Variants in LRPAP1 observed in about 807,000 individuals in gnomAD.
The protein encoded by LRPAP1 is LDL receptor related protein associated protein 1.
Under a neutral mutation model 39.9 loss-of-function variants are expected in LRPAP1, and 41 were observed. The observed-to-expected ratio is 1.03, with a 90% CI of 0.80 to 1.33. The LOEUF (loss-of-function observed/expected upper bound fraction) is 1.33, where lower values mean the gene tolerates loss of function less well. Ranked by LOEUF, LRPAP1 falls within the 40% of genes most tolerant of loss-of-function variation. LRPAP1 has a pLI of 0.00. For synonymous variants in LRPAP1, 263 were observed against 212.7 expected, an observed-to-expected ratio of 1.24 and a Z score of -2.06; for missense variants, 565 against 482.3, an observed-to-expected ratio of 1.17 and a Z score of -1.61.
Position 3,516,140 on chromosome 4 carries a change from C to T in LRPAP1, c.810G>A (p.Thr270=), listed in dbSNP as rs572287773. 30 of 1,581,454 alleles carry T rather than the reference C, an allele frequency of 1.9e-5. No individual in the cohort carries two copies. Among genetic ancestry groups the T allele is most frequent in the Middle Eastern group, 3.3e-4 (2 of 6,028 alleles). ...CCCGGAACGCCTCCAGCTCCTTGTC[C>T]GTGAGGTTGGCGGACTGCGCCAGGT... ...LWDLAQSANL[T]DKELEAFREE... Residue 270 remains threonine (T), a synonymous_variant, in exon 6 of 8, where the codon ACG becomes ACA. Transcript: ENST00000650182.
In LRPAP1 at chr4:3,508,761, G is replaced by GC. The variant is rs1264292310; in HGVS notation, c.*4212dup. 4 of 152,190 alleles carry GC rather than the reference G, an allele frequency of 2.6e-5. No homozygotes were observed. The highest frequency in any genetic ancestry group is 4.8e-5 in the African/African-American group (2 of 41,438). The allele number at this position is 152,190 out of a possible 1,614,324, so 9.4% of individuals were successfully genotyped here. ...CACATTCAACACGGATTCAGGAAAA[G>GC]CCCTCAGCAAATGAGGAAGCTCTTC... On this transcript the variant is annotated 3_prime_UTR_variant, in exon 8 of 8. Transcript: ENST00000650182.
chr4:3,530,750 CAG>C (rs1199538125), intron 1 of LRPAP1, among the ~76,000 whole-genome samples: 1 of 152,166 alleles, frequency 6.6e-6, no homozygotes, highest in African/African-American at 2.4e-5. Context: ...CTGACAAAGA[CAG>C]AGGACCAGCT....
In LRPAP1 at chr4:3,512,951, C is replaced by A. The variant is rs958676130; in HGVS notation, c.*23G>T. 2 of 1,602,264 alleles carry A rather than the reference C, an allele frequency of 1.2e-6. No homozygotes were observed. The highest frequency in any genetic ancestry group is 1.7e-6 in the Non-Finnish European group (2 of 1,175,074). ...GTCCTTCACGCTGGCCTCTTCCCTG[C>A]CGGGCTGGGCTCCCCAATGCCTTCA... On this transcript the variant is annotated 3_prime_UTR_variant, in exon 8 of 8. Transcript: ENST00000650182.
Position 3,522,709 on chromosome 4 carries a change from C to A in LRPAP1, c.349+2198G>T, listed in dbSNP as rs574400023. ...TGGGGAGGACAGACGCCGCCCCACA[C>A]CCCCTGCCTGGGGAGGACGGACGCC... On this transcript the variant is annotated intron_variant, in intron 2 of 7. Transcript: ENST00000650182. Among the ~76,000 whole-genome samples, 5 of 145,800 alleles carry A rather than the reference C, an allele frequency of 3.4e-5. 1 individual carries two copies. Among genetic ancestry groups the A allele is most frequent in the African/African-American group, 1.0e-4 (4 of 38,608 alleles).
rs189674977 is a variant in LRPAP1, at chr4:3,509,945, A to C, written c.*3029T>G. On this transcript the variant is annotated 3_prime_UTR_variant, in exon 8 of 8. Coordinates refer to ENST00000650182, the MANE Select transcript of LRPAP1 (RefSeq NM_002337.4). ...AGACATTCAGAAAAGGTATTCAAAA[A>C]TGCGTTCAAGGGAATTGCTATTGAA... is the stretch of plus-strand genomic sequence containing the variant. The C allele has an allele frequency of 2.0e-5, 3 of 152,298 alleles. No individual in the cohort carries two copies. The highest frequency in any genetic ancestry group is 1.3e-4 in the Admixed American group (2 of 15,298). 9.4% of individuals were successfully genotyped at this position (152,298 alleles called of 1,614,324 possible).
At chr4:3,515,764 G>C in intron 6 of LRPAP1, 1 of 296,542 alleles carries the variant, frequency 3.4e-6, no homozygotes, top group Non-Finnish European at 6.4e-6. Flanking sequence ...AGGAAGTGGT[G>C]ACACCCCTAA....
intron 1 of LRPAP1, among the ~76,000 whole-genome samples, chr4:3,527,287 G>T (rs1730106348): frequency 6.6e-6 from 1 of 152,042 alleles, no homozygotes; most frequent in African/African-American, 2.4e-5. Flanking sequence ...GCCCCTCTGT[G>T]CCCTGGACAC....
Position 3,505,265 on chromosome 4 carries a change from G to T in LRPAP1, c.*7709C>A, listed in dbSNP as rs1451707598. Among the ~76,000 whole-genome samples the T allele has an allele frequency of 6.6e-6, 1 of 152,214 alleles. No homozygotes were observed. The highest frequency in any genetic ancestry group is 6.5e-5 in the Admixed American group (1 of 15,286). On this transcript the variant is annotated 3_prime_UTR_variant, in exon 8 of 8. Coordinates refer to ENST00000650182, the MANE Select transcript of LRPAP1 (RefSeq NM_002337.4). The stretch of plus-strand genomic sequence containing the variant: ...GTCCCGCAGCGGCTGCGGTGGCAGT[G>T]GTGGGGGAGCAGGCATGGCACCCGG...
chr4:3,528,475 G>A (rs1730144761), intron 1 of LRPAP1, among the ~76,000 whole-genome samples: 1 of 152,186 alleles, frequency 6.6e-6, no homozygotes, highest in Non-Finnish European at 1.5e-5. Context: ...CAACGCCCCA[G>A]GAAACCCAGG....
intron 2 of LRPAP1, 106 bp from the exon 3 acceptor site, chr4:3,520,299 T>G: frequency 8.6e-7 from 1 of 1,166,492 alleles, no homozygotes; most frequent in East Asian, 2.4e-5. Context: ...GCCTCTCATT[T>G]TCCAGTAGTT....
At chr4:3,518,557 C>T (rs1729802906) in intron 4 of LRPAP1, among the ~76,000 whole-genome samples, 1 of 152,088 alleles carries the variant, frequency 6.6e-6, no homozygotes, top group Non-Finnish European at 1.5e-5. Context: ...GTCACGAGTC[C>T]AGAATGAAGG....
chr4:3,517,179 G>A (rs1729739489), intron 5 of LRPAP1, among the ~76,000 whole-genome samples: 1 of 152,256 alleles, frequency 6.6e-6, no homozygotes, highest in Admixed American at 6.5e-5. Context: ...GTGGTGAGGG[G>A]TCTTGCCCAA....
rs930065264 is a variant in LRPAP1, at chr4:3,505,632, C to T, written c.*7342G>A. On this transcript the variant is annotated 3_prime_UTR_variant, in exon 8 of 8. Coordinates refer to ENST00000650182, the MANE Select transcript of LRPAP1 (RefSeq NM_002337.4). ...GCACCACTACCAGCTACCCCAAGCC[C>T]GTCTATACCAGCTACCCCAAGACCG... Among the ~76,000 whole-genome samples the T allele has an allele frequency of 4.2e-4, 64 of 151,936 alleles. 2 individuals are homozygous for T. Among genetic ancestry groups the T allele is most frequent in the Admixed American group, 6.6e-5 (1 of 15,256 alleles).
rs374664239 is a variant in LRPAP1, at chr4:3,518,144, C to A, written c.641G>T (p.Gly214Val). Residue 214 changes from glycine (G) to valine (V), a missense_variant, in exon 5 of 8, where the codon GGC (glycine) becomes GTC (valine). Physicochemically the swap from Gly to Val is moderately radical, Grantham distance 109. Transcript: ENST00000650182. ...CGTGTGCCTGCTGTGCAGGACGCTG[C>A]CCTTGATGTCGCTCAGGTCCGAGGG... ...ISPSDLSDIK[G>V]SVLHSRHTEL... The A allele has an allele frequency of 1.1e-5, 17 of 1,613,484 alleles. No homozygotes were observed. Among genetic ancestry groups the A allele is most frequent in the African/African-American group, 2.7e-5 (2 of 74,934 alleles).
chr4:3,528,469 G>GC, intron 1 of LRPAP1, among the ~76,000 whole-genome samples: 1 of 152,232 alleles, frequency 6.6e-6, no homozygotes, highest in African/African-American at 2.4e-5. Flanking sequence ...GCTTCTCAAC[G>GC]CCCCAGGAAA....
At position 3,511,728 on chromosome 4, in the gene LRPAP1, C is replaced by A. The variant is rs531362402; in HGVS notation, c.*1246G>T. ...CCTCTTCCAGGTTCAAACACGGGAACCACGCTCGGAGCTGGACCCGGACCC... is the reference window on the plus strand; with the variant it reads ...CCTCTTCCAGGTTCAAACACGGGAAACACGCTCGGAGCTGGACCCGGACCC... On this transcript the variant is annotated 3_prime_UTR_variant, in exon 8 of 8. Coordinates refer to ENST00000650182, the MANE Select transcript of LRPAP1 (RefSeq NM_002337.4). The A allele has an allele frequency of 5.6e-5, 8 of 141,604 alleles. No homozygotes were observed. The highest frequency in any genetic ancestry group is 2.1e-4 in the African/African-American group (8 of 37,878). 8.8% of individuals were successfully genotyped at this position (141,604 alleles called of 1,614,324 possible). A position where few individuals can be genotyped will look rare whatever the true frequency, so the allele number is the denominator to read the frequency against.
At position 3,512,359 on chromosome 4, in the gene LRPAP1, C is replaced by A. The variant is rs730748; in HGVS notation, c.*615G>T. The A allele has an allele frequency of 0.18, 27,316 of 153,016 alleles. 2,623 individuals carry two copies. Among genetic ancestry groups the A allele is most frequent in the South Asian group, 0.31 (1,504 of 4,876 alleles). The allele number at this position is 153,016 out of a possible 1,614,324, so 9.5% of individuals were successfully genotyped here. A position where few individuals can be genotyped will look rare whatever the true frequency, so the allele number is the denominator to read the frequency against. ...CCCCCAGGCCACAGTCTCTGACTGT[C>A]CACAGAACCACACGCTCCACATCTT... On this transcript the variant is annotated 3_prime_UTR_variant, in exon 8 of 8. Transcript: ENST00000650182.
rs1729423392 is a variant in LRPAP1 at position 3,508,638 on chromosome 4, G to C, written c.*4336C>G. The C allele has an allele frequency of 6.6e-6, 1 of 152,212 alleles. No homozygotes were observed. The highest frequency in any genetic ancestry group is 6.5e-5 in the Admixed American group (1 of 15,284). The allele number at this position is 152,212 out of a possible 1,614,324, so 9.4% of individuals were successfully genotyped here. A position where few individuals can be genotyped will look rare whatever the true frequency, so the allele number is the denominator to read the frequency against. On this transcript the variant is annotated 3_prime_UTR_variant, in exon 8 of 8. Coordinates refer to ENST00000650182, the MANE Select transcript of LRPAP1 (RefSeq NM_002337.4). ...ACAGGGACTTACCTGGAAATGCCAG[G>C]TCATCTTGGCATATGAAAGTCAGCG...
intron 1 of LRPAP1, among the ~76,000 whole-genome samples, chr4:3,525,954 T>C (rs1196733630): frequency 6.6e-6 from 1 of 152,144 alleles, no homozygotes; most frequent in Non-Finnish European, 1.5e-5. Context: ...GCCCGGCCGC[T>C]AAGAGGCGTG....
Sources: allele counts gnomAD v4.1 joint callset (sites outside exome capture counted in the v4.1 genomes callset), GRCh38; gene constraint gnomAD v4.1.1; transcripts MANE v1.5; gene names NCBI Gene and HGNC (gene_info 2026-07-23, HGNC 2026-07-21).